The following ATP2B1 variants were observed in gnomAD, a reference collection of about 807,000 sequenced individuals.
ATP2B1 encodes ATPase plasma membrane Ca2+ transporting 1.
A neutral mutation model predicts 124.2 loss-of-function variants in ATP2B1; 14 were observed. That is an observed-to-expected ratio of 0.11 (90% CI 0.07 to 0.18). The LOEUF (loss-of-function observed/expected upper bound fraction) is 0.18. Among genes scored for constraint, ATP2B1 ranks in the 10% least tolerant of loss-of-function variants. The probability of loss-of-function intolerance (pLI) is 1.00; values close to 1 mark genes in which losing one functional copy is unlikely to be tolerated. For missense variants in ATP2B1, 763 were observed against 1,466.1 expected (o/e 0.52, Z 7.83); for synonymous variants, 449 against 492.4 (o/e 0.91, Z 1.17).
At chr12:89,621,397 CA>C in intron 10 of ATP2B1, 151 bp downstream of exon 10, 1 of 544,300 alleles carries the variant, frequency 1.8e-6, no homozygotes, top group Non-Finnish European at 2.8e-6. Flanking sequence ...ACTCATAACA[CA>C]AATTTAAAAA....
chr12:89,690,397 C>T (rs1890430645), intron 1 of ATP2B1, among the ~76,000 whole-genome samples: 1 of 150,026 alleles, frequency 6.7e-6, no homozygotes, highest in Admixed American at 6.7e-5. Context: ...AAGTGGGTAG[C>T]TCACACATTT....
intron 1 of ATP2B1, among the ~76,000 whole-genome samples, chr12:89,671,715 A>T (rs1888008104): frequency 6.6e-6 from 1 of 151,500 alleles, no homozygotes; most frequent in Non-Finnish European, 1.5e-5. Context: ...CCATGTGGTA[A>T]ATCTACAGGG....
At chr12:89,593,077 T>C (rs968111929) in intron 20 of ATP2B1, among the ~76,000 whole-genome samples, 2 of 152,064 alleles carry the variant, frequency 1.3e-5, no homozygotes, top group African/African-American at 4.8e-5. Flanking sequence ...TCAACTTCTT[T>C]TATTGCTCTT....
chr12:89,674,830 C>T (rs961421534), intron 1 of ATP2B1, among the ~76,000 whole-genome samples: 1 of 152,140 alleles, frequency 6.6e-6, no homozygotes, highest in African/African-American at 2.4e-5. Flanking sequence ...GGAACCACAC[C>T]TCTCTGAGAC....
chr12:89,690,042 T>A (rs2136716985), intron 1 of ATP2B1, among the ~76,000 whole-genome samples: 1 of 152,228 alleles, frequency 6.6e-6, no homozygotes, highest in Middle Eastern at 3.4e-3. Flanking sequence ...ATGAACTTTC[T>A]GTATGCTAGG....
intron 7 of ATP2B1, among the ~76,000 whole-genome samples, chr12:89,626,957 T>A (rs1265023227): frequency 6.6e-6 from 1 of 152,208 alleles, no homozygotes; most frequent in East Asian, 1.9e-4. Context: ...ATGACCATAA[T>A]GTAGAGATTA....
intron 12 of ATP2B1, 105 bp from the exon 13 acceptor site, chr12:89,611,477 GACAATGAT>G: frequency 1.1e-6 from 1 of 889,556 alleles, no homozygotes; most frequent in Non-Finnish European, 1.6e-6. Flanking sequence ...CCCAAATGAT[GACAATGAT>G]ACAATGACTT....
chr12:89,604,390 T>C, intron 15 of ATP2B1, 44 bp from the exon 16 acceptor site: 7 of 1,477,594 alleles, frequency 4.7e-6, no homozygotes, highest in Non-Finnish European at 6.4e-6. Context: ...GTTTTAAGTA[T>C]AACTTTCAAA....
intron 20 of ATP2B1, among the ~76,000 whole-genome samples, chr12:89,592,181 C>T (rs1366130206): frequency 6.6e-6 from 1 of 151,936 alleles, no homozygotes; most frequent in Non-Finnish European, 1.5e-5. Flanking sequence ...AGTGCACACA[C>T]TGACATTAAG....
intron 2 of ATP2B1, among the ~76,000 whole-genome samples, chr12:89,643,144 G>A (rs1266025394): frequency 6.8e-6 from 1 of 147,998 alleles, no homozygotes; most frequent in Non-Finnish European, 1.5e-5. Flanking sequence ...GTATATACAC[G>A]TGTATATGTA....
At chr12:89,702,538 G>A (rs1488924461) in intron 1 of ATP2B1, among the ~76,000 whole-genome samples, 1 of 152,136 alleles carries the variant, frequency 6.6e-6, no homozygotes, top group Non-Finnish European at 1.5e-5. Flanking sequence ...GATCCACATT[G>A]TTAATAAAAA....
Position 89,599,202 on chromosome 12 carries a change from T to C in ATP2B1, c.3266A>G (p.Asp1089Gly). The part of the protein sequence containing the change: ...EEIPEEELAE[D>G]VEEIDHAERE... ...TTCAGCGTGATCAATCTCTTCAACA[T>C]CCTCTGCTAATTCCTCCTCAGGTAT... Residue 1089 changes from aspartate (D) to glycine (G), a missense_variant, in exon 20 of 21, where the codon GAT (aspartate) becomes GGT (glycine). By Grantham distance (94) the Asp-to-Gly change is moderately conservative. Around this residue, in one of 7 missense-constraint regions of ATP2B1, gnomAD observed 118 missense variants for 240.3 expected, o/e 0.49. Coordinates refer to ENST00000428670, the MANE Select transcript of ATP2B1 (RefSeq NM_001366521.1). The C allele has an allele frequency of 6.2e-7, 1 of 1,614,144 alleles. No homozygotes were observed. The highest frequency in any genetic ancestry group is 1.6e-4 in the Middle Eastern group (1 of 6,062).
intron 19 of ATP2B1, among the ~76,000 whole-genome samples, chr12:89,600,445 G>A (rs1875565843): frequency 6.6e-6 from 1 of 152,006 alleles, no homozygotes. Context: ...TTGCAAGTAA[G>A]CTGCCTATAG....
chr12:89,658,114 G>C (rs192483248), intron 1 of ATP2B1, among the ~76,000 whole-genome samples: 113 of 152,232 alleles, frequency 7.4e-4, no homozygotes, highest in Non-Finnish European at 2.8e-4. Context: ...TTGTTGGCCT[G>C]AACATCACAC....
intron 1 of ATP2B1, among the ~76,000 whole-genome samples, chr12:89,666,664 C>G (rs528569014): frequency 2.6e-5 from 4 of 152,332 alleles, no homozygotes; most frequent in African/African-American, 9.6e-5. Context: ...GACATACCAT[C>G]TGGCTGAGCA....
chr12:89,708,118 C>T (rs972678041), intron 1 of ATP2B1, among the ~76,000 whole-genome samples: 9 of 152,156 alleles, frequency 5.9e-5, no homozygotes, highest in African/African-American at 9.7e-5. Flanking sequence ...GCTCCCCTCC[C>T]GCAGTGCGTC....
chr12:89,698,974 TGCAAGGATGAAGGAAAAGAGATCACAGA>T (rs1891505596), intron 1 of ATP2B1, among the ~76,000 whole-genome samples: 1 of 152,188 alleles, frequency 6.6e-6, no homozygotes, highest in Non-Finnish European at 1.5e-5. Context: ...TCCAGCCTTC[TGCAAGGATGAAGGAAAAGAGATCACAGA>T]GTACAGACAG....
At chr12:89,643,065 T>TAC (rs145355576) in intron 2 of ATP2B1, among the ~76,000 whole-genome samples, 2,019 of 143,610 alleles carry the variant, frequency 0.014, 31 homozygotes, top group East Asian at 0.037. Context: ...TAAAGATACA[T>TAC]ACACACACAC....
chr12:89,591,932 G>A (rs1324618339), intron 20 of ATP2B1, among the ~76,000 whole-genome samples: 1 of 151,956 alleles, frequency 6.6e-6, no homozygotes, highest in Non-Finnish European at 1.5e-5. Flanking sequence ...TAAAGTTTTA[G>A]TGTTTTTCTC....
Sources: allele counts gnomAD v4.1 joint callset (sites outside exome capture counted in the v4.1 genomes callset), GRCh38; gene constraint gnomAD v4.1.1; regional missense constraint gnomAD v4.1.1; transcripts MANE v1.5; gene names NCBI Gene and HGNC (gene_info 2026-07-23, HGNC 2026-07-21).